Variants in USP12 observed in about 807,000 individuals in gnomAD.
The protein encoded by USP12 is ubiquitin specific peptidase 12, also known as ubiquitin carboxyl-terminal hydrolase 12.
USP12 carries 19 observed loss-of-function variants against 45.5 expected under a neutral mutation model. The observed-to-expected ratio is 0.42, with a 90% CI of 0.29 to 0.61. The LOEUF (loss-of-function observed/expected upper bound fraction) is 0.61. Among genes scored for constraint, USP12 ranks in the 20% least tolerant of loss-of-function variants. The pLI, the probability that USP12 is intolerant of heterozygous loss-of-function variation, is 0.22. For missense variants in USP12, 242 were observed against 447.7 expected (o/e 0.54, Z 4.15); for synonymous variants, 149 against 148.8 (o/e 1.00, Z -0.01).
At chr13:27,148,676 T>TATATA (rs1555238403) in intron 1 of USP12, among the ~76,000 whole-genome samples, 1 of 139,448 alleles carries the variant, frequency 7.2e-6, no homozygotes, top group African/African-American at 2.7e-5. Context: ...AAAAAAAAAA[T>TATATA]TATATATATA....
chr13:27,144,905 GA>G (rs1273602789), intron 1 of USP12, among the ~76,000 whole-genome samples: 3,182 of 145,850 alleles, frequency 0.022, 116 homozygotes, highest in African/African-American at 0.076. Flanking sequence ...ACCAAAAAAA[GA>G]AAAAAAAAAA....
intron 4 of USP12, among the ~76,000 whole-genome samples, chr13:27,094,843 A>G (rs1874494662): frequency 6.6e-6 from 1 of 152,170 alleles, no homozygotes; most frequent in African/African-American, 2.4e-5. Context: ...CTGAATAGGG[A>G]AAATGCTATA....
chr13:27,072,566 G>A (rs61946482), intron 7 of USP12, among the ~76,000 whole-genome samples: 3 of 152,206 alleles, frequency 2.0e-5, no homozygotes, highest in Non-Finnish European at 4.4e-5. Flanking sequence ...AGATTAAAGA[G>A]ATACCAACAA....
At chr13:27,161,872 G>C (rs999609754) in intron 1 of USP12, among the ~76,000 whole-genome samples, 2 of 144,502 alleles carry the variant, frequency 1.4e-5, no homozygotes, top group African/African-American at 5.0e-5. Flanking sequence ...ACAGAGCAAG[G>C]CTCTGTCTCA....
intron 6 of USP12, among the ~76,000 whole-genome samples, chr13:27,083,861 T>C (rs1470517944): frequency 7.5e-6 from 1 of 133,318 alleles, no homozygotes; most frequent in Non-Finnish European, 1.7e-5. Context: ...TGGGAGAATA[T>C]ATATATATAT....
intron 6 of USP12, chr13:27,089,472 A>C (rs556049871): frequency 6.4e-6 from 1 of 157,226 alleles, no homozygotes; most frequent in East Asian, 1.9e-4. Context: ...ATACCAAACC[A>C]GTCTTACAAT....
At chr13:27,134,574 TAC>T (rs1876705142) in intron 1 of USP12, among the ~76,000 whole-genome samples, 1 of 152,198 alleles carries the variant, frequency 6.6e-6, no homozygotes, top group Admixed American at 6.5e-5. Flanking sequence ...CTCTCTCAAT[TAC>T]TTCATTTTGA....
chr13:27,167,856 T>A (rs1393193059), intron 1 of USP12, among the ~76,000 whole-genome samples: 1 of 152,106 alleles, frequency 6.6e-6, no homozygotes, highest in Non-Finnish European at 1.5e-5. Flanking sequence ...TTTTTTTCAG[T>A]AGTAAGGATA....
intron 1 of USP12, among the ~76,000 whole-genome samples, chr13:27,135,807 A>C (rs1876776455): frequency 6.6e-6 from 1 of 152,186 alleles, no homozygotes; most frequent in South Asian, 2.1e-4. Flanking sequence ...ACATGTAAAC[A>C]CTTACTGCCA....
chr13:27,078,985 T>C (rs1322306255), intron 6 of USP12, among the ~76,000 whole-genome samples: 1 of 149,280 alleles, frequency 6.7e-6, no homozygotes, highest in Non-Finnish European at 1.5e-5. Flanking sequence ...TCAGAGTATG[T>C]CCTCTGATAA....
intron 1 of USP12, among the ~76,000 whole-genome samples, chr13:27,156,873 G>T (rs557277469): frequency 6.6e-6 from 1 of 152,234 alleles, no homozygotes; most frequent in East Asian, 1.9e-4. Flanking sequence ...TGTCTTTAGG[G>T]GGAAGAAGCA....
At chr13:27,084,519 A>C (rs909396119) in intron 6 of USP12, among the ~76,000 whole-genome samples, 1 of 144,552 alleles carries the variant, frequency 6.9e-6, no homozygotes, top group Non-Finnish European at 1.5e-5. Context: ...AAAAAAAAAG[A>C]GTTCTATAGT....
chr13:27,084,219 A>ACAC (rs1565983887), intron 6 of USP12, among the ~76,000 whole-genome samples: 7 of 97,188 alleles, frequency 7.2e-5, no homozygotes, highest in African/African-American at 2.4e-4. Flanking sequence ...CACACACACA[A>ACAC]ATTCCTGTCT....
intron 4 of USP12, among the ~76,000 whole-genome samples, chr13:27,092,360 G>A (rs575661066): frequency 8.5e-5 from 13 of 152,214 alleles, no homozygotes; most frequent in East Asian, 7.7e-4. Flanking sequence ...GGATATCGAC[G>A]AACTTGATTC....
intron 1 of USP12, among the ~76,000 whole-genome samples, chr13:27,160,442 G>A (rs1263119556): frequency 2.0e-5 from 3 of 149,798 alleles, no homozygotes; most frequent in Non-Finnish European, 4.4e-5. Context: ...AAAAAAAAAT[G>A]CAATAAAAAC....
intron 1 of USP12, among the ~76,000 whole-genome samples, chr13:27,167,777 T>C (rs1308739659): frequency 6.6e-6 from 1 of 152,130 alleles, no homozygotes; most frequent in East Asian, 1.9e-4. Flanking sequence ...TCTTGTTATA[T>C]GAAGAGGAGA....
At chr13:27,161,749 G>T (rs1289080170) in intron 1 of USP12, among the ~76,000 whole-genome samples, 3 of 152,030 alleles carry the variant, frequency 2.0e-5, no homozygotes, top group Non-Finnish European at 4.4e-5. Flanking sequence ...GGGCATGGTA[G>T]TGTGTGCCTG....
At chr13:27,094,404 G>A (rs1356181285) in intron 4 of USP12, among the ~76,000 whole-genome samples, 3 of 152,112 alleles carry the variant, frequency 2.0e-5, no homozygotes, top group Non-Finnish European at 4.4e-5. Context: ...AGAAGGCTGA[G>A]GCAGGAGGAT....
chr13:27,138,585 C>T (rs1381493914), intron 1 of USP12, among the ~76,000 whole-genome samples: 7 of 152,176 alleles, frequency 4.6e-5, no homozygotes, highest in Admixed American at 4.6e-4. Flanking sequence ...ATTATCAATG[C>T]TACAGGCATT....
Sources: allele counts gnomAD v4.1 joint callset (sites outside exome capture counted in the v4.1 genomes callset), GRCh38; gene constraint gnomAD v4.1.1; transcripts MANE v1.5; gene names NCBI Gene and HGNC (gene_info 2026-07-23, HGNC 2026-07-21).